TECRL: variants seen among roughly 807,000 people sequenced by gnomAD.
TECRL encodes trans-2,3-enoyl-CoA reductase like.
In TECRL, 63 loss-of-function variants were observed where a neutral mutation model predicts 52.8. The observed-to-expected ratio is 1.19, with a 90% CI of 0.97 to 1.47. TECRL has a LOEUF of 1.47. Among genes scored for constraint, TECRL ranks in the 40% most tolerant of loss-of-function variants. TECRL has a pLI of 0.00. For synonymous variants in TECRL, 164 were observed against 141.9 expected (o/e 1.16, Z -1.10); for missense variants, 482 against 429.6 (o/e 1.12, Z -1.08).
Position 64,278,685 on chromosome 4 carries a change from G to A in TECRL, c.*1387C>T, listed in dbSNP as rs1057417398. 2 of 152,124 alleles carry A rather than the reference G, an allele frequency of 1.3e-5. No individual in the cohort carries two copies. The highest frequency in any genetic ancestry group is 2.9e-5 in the Non-Finnish European group (2 of 67,968). 9.4% of individuals were successfully genotyped at this position (152,124 alleles called of 1,614,324 possible). A position where few individuals can be genotyped will look rare whatever the true frequency, so the allele number is the denominator to read the frequency against. The stretch of plus-strand genomic sequence containing the variant: ...TTCTTAACTATAGTCGTCCTACAGT[G>A]GTATAGAACACCAGAAATTATTCCT... On this transcript the variant is annotated 3_prime_UTR_variant, in exon 12 of 12. Coordinates refer to ENST00000381210, the MANE Select transcript of TECRL (RefSeq NM_001010874.5).
chr4:64,311,239 G>A (rs760828220), intron 5 of TECRL, among the ~76,000 whole-genome samples: 2 of 152,062 alleles, frequency 1.3e-5, no homozygotes, highest in Non-Finnish European at 2.9e-5. Context: ...TCATTAATTC[G>A]TAAAAACAAA....
At chr4:64,388,946 C>T (rs1723364537) in intron 1 of TECRL, among the ~76,000 whole-genome samples, 1 of 151,812 alleles carries the variant, frequency 6.6e-6, no homozygotes, top group Non-Finnish European at 1.5e-5. Flanking sequence ...ACCTTGTATC[C>T]TGAAACCTTG....
At chr4:64,347,407 T>G (rs1720067029) in intron 2 of TECRL, among the ~76,000 whole-genome samples, 1 of 152,198 alleles carries the variant, frequency 6.6e-6, no homozygotes, top group Non-Finnish European at 1.5e-5. Context: ...GTTCATAAAT[T>G]TAATGCCTAA....
At chr4:64,363,995 C>T (rs1721407598) in intron 2 of TECRL, among the ~76,000 whole-genome samples, 1 of 151,976 alleles carries the variant, frequency 6.6e-6, no homozygotes, top group South Asian at 2.1e-4. Flanking sequence ...AATCTAAGAT[C>T]AACCACGTAC....
chr4:64,343,092 G>A (rs996557096), intron 2 of TECRL, among the ~76,000 whole-genome samples: 6 of 148,560 alleles, frequency 4.0e-5, no homozygotes, highest in East Asian at 2.0e-4. Flanking sequence ...CTTTAAAAAA[G>A]GGGGAATAAA....
At chr4:64,310,021 T>A (rs1400930020) in intron 5 of TECRL, 90 bp from the exon 6 acceptor site, 2 of 680,820 alleles carry the variant, frequency 2.9e-6, no homozygotes, top group Non-Finnish European at 4.9e-6. Flanking sequence ...TTTAGTTTAA[T>A]ATGCTAGCTA....
chr4:64,380,074 T>G (rs1722675196), intron 1 of TECRL, among the ~76,000 whole-genome samples: 1 of 152,158 alleles, frequency 6.6e-6, no homozygotes, highest in Non-Finnish European at 1.5e-5. Flanking sequence ...TGCCTTTGTC[T>G]TTCCATAATA....
chr4:64,282,921 T>G (rs552681315), intron 9 of TECRL, among the ~76,000 whole-genome samples: 8 of 152,172 alleles, frequency 5.3e-5, no homozygotes, highest in African/African-American at 1.7e-4. Flanking sequence ...TCTATTAAAT[T>G]AAAGTCAGGA....
At chr4:64,347,684 T>C (rs1720084008) in intron 2 of TECRL, among the ~76,000 whole-genome samples, 1 of 152,016 alleles carries the variant, frequency 6.6e-6, no homozygotes, top group Non-Finnish European at 1.5e-5. Context: ...TCACAACTCA[T>C]TCACTATCAT....
At chr4:64,368,362 C>G (rs59739358) in intron 2 of TECRL, among the ~76,000 whole-genome samples, 4,376 of 152,224 alleles carry the variant, frequency 0.029, 203 homozygotes, top group African/African-American at 0.097. Flanking sequence ...ATGGCATGAT[C>G]TTGGCTCACT....
rs575383459 is a variant in TECRL, at chr4:64,310,912, G to T, written c.552-981C>A. ...TTTTTTGTATTTTTTGTAGAAATGGGTTAAACCTTGTTGCCCAGGCTAGTC... is the reference window on the plus strand; with the variant it reads ...TTTTTTGTATTTTTTGTAGAAATGGTTTAAACCTTGTTGCCCAGGCTAGTC... On this transcript the variant is annotated intron_variant, in intron 5 of 11. Transcript: ENST00000381210. Among the ~76,000 whole-genome samples, 4 of 152,148 alleles carry T rather than the reference G, an allele frequency of 2.6e-5. No homozygotes were observed. The East Asian group carries it at 7.8e-4, about 30-fold the overall frequency.
In TECRL at chr4:64,363,616, T is replaced by C. The variant is rs1435495572; in HGVS notation, c.286+11556A>G. Among the ~76,000 whole-genome samples the C allele has an allele frequency of 2.6e-5, 4 of 152,050 alleles. No homozygotes were observed. In the East Asian group the frequency reaches 7.7e-4, roughly 29 times the overall value. ...TTTTAAAAGAGGAGAACAAAGGAAG[T>C]AGGAAGTAACTTATGGAATGCTGAG... is the stretch of plus-strand genomic sequence containing the variant. On this transcript the variant is annotated intron_variant, in intron 2 of 11. Transcript: ENST00000381210.
chr4:64,329,151 C>A (rs1718458648), intron 2 of TECRL, among the ~76,000 whole-genome samples: 1 of 151,840 alleles, frequency 6.6e-6, no homozygotes, highest in Admixed American at 6.6e-5. Context: ...ATCAAATCAT[C>A]TTTATTATAC....
At chr4:64,307,051 A>G (rs1415950225) in intron 6 of TECRL, among the ~76,000 whole-genome samples, 3 of 152,138 alleles carry the variant, frequency 2.0e-5, no homozygotes, top group Non-Finnish European at 2.9e-5. Context: ...GCCAACCCCT[A>G]TATTTTCAAA....
chr4:64,304,257 T>A (rs957223088), intron 7 of TECRL, among the ~76,000 whole-genome samples: 1 of 151,902 alleles, frequency 6.6e-6, no homozygotes, highest in East Asian at 1.9e-4. Context: ...ATATAGGAAA[T>A]TTTCACTTTC....
At chr4:64,309,966 C>G in intron 5 of TECRL, 35 bp from the exon 6 acceptor site, 1 of 1,408,416 alleles carries the variant, frequency 7.1e-7, no homozygotes, top group East Asian at 2.4e-5. Flanking sequence ...CATGAAAATC[C>G]TTTTGAAGTT....
chr4:64,321,839 T>C (rs577567254), intron 4 of TECRL, among the ~76,000 whole-genome samples: 1 of 152,310 alleles, frequency 6.6e-6, no homozygotes, highest in African/African-American at 2.4e-5. Flanking sequence ...TACTTTTTCA[T>C]GGTCAGTTGC....
intron 1 of TECRL, among the ~76,000 whole-genome samples, chr4:64,393,700 T>C (rs991180531): frequency 4.6e-5 from 7 of 151,748 alleles, no homozygotes; most frequent in African/African-American, 1.7e-4. Context: ...GAATCTAATA[T>C]ATTTATTGTT....
intron 1 of TECRL, among the ~76,000 whole-genome samples, chr4:64,375,445 T>C (rs1246616996): frequency 6.6e-6 from 1 of 152,022 alleles, no homozygotes; most frequent in East Asian, 1.9e-4. Context: ...GTAATAGCTT[T>C]ATTACATTAA....
Sources: gnomAD v4.1 joint callset for allele counts (sites outside exome capture counted in the v4.1 genomes callset) on GRCh38, gnomAD v4.1.1 for gene constraint, MANE v1.5 for transcripts, NCBI Gene and HGNC (gene_info 2026-07-23, HGNC 2026-07-21) for gene names.